The following ANAPC1 variants were observed in gnomAD, a reference collection of about 807,000 sequenced individuals.
ANAPC1 encodes anaphase-promoting complex subunit 1.
Under a neutral mutation model 208.0 loss-of-function variants are expected in ANAPC1, and 36 were observed. The observed-to-expected ratio is 0.17, with a 90% CI of 0.13 to 0.23. ANAPC1 has a LOEUF of 0.23. ANAPC1 is among the 10% of genes least tolerant of loss of function. The pLI is 1.00. For synonymous variants in ANAPC1, 378 were observed against 695.2 expected, an observed-to-expected ratio of 0.54 and a Z score of 7.18; for missense variants, 942 against 2,011.6, an observed-to-expected ratio of 0.47 and a Z score of 10.17.
chr2:111,809,907 TATAAC>T (rs1369008502), intron 28 of ANAPC1, among the ~76,000 whole-genome samples: 1 of 148,644 alleles, frequency 6.7e-6, no homozygotes, highest in East Asian at 2.0e-4. Flanking sequence ...AGAGTTACCA[TATAAC>T]CCAGCAATTC....
intron 3 of ANAPC1, among the ~76,000 whole-genome samples, chr2:111,874,986 A>C (rs79087353): frequency 0.022 from 3,293 of 152,328 alleles, 110 homozygotes; most frequent in African/African-American, 0.074. Context: ...GCCTGGCTAC[A>C]CGTGTAACTT....
intron 47 of ANAPC1, among the ~76,000 whole-genome samples, chr2:111,770,010 C>T (rs532466667): frequency 6.6e-6 from 1 of 150,730 alleles, no homozygotes; most frequent in Admixed American, 6.6e-5. Flanking sequence ...TCCAAAAATC[C>T]CAAATCCAAA....
At chr2:111,775,091 C>T (rs961231637) in intron 46 of ANAPC1, among the ~76,000 whole-genome samples, 1 of 152,064 alleles carries the variant, frequency 6.6e-6, no homozygotes, top group African/African-American at 2.4e-5. Context: ...CATGGTGAAA[C>T]CCCGTCTCTA....
At chr2:111,875,993 G>A (rs1683005469) in intron 3 of ANAPC1, among the ~76,000 whole-genome samples, 1 of 152,160 alleles carries the variant, frequency 6.6e-6, no homozygotes, top group African/African-American at 2.4e-5. Context: ...CAGCATTTCA[G>A]GTGATCTGTT....
At chr2:111,767,374 G>A (rs1376976912), downstream of ANAPC1, among the ~76,000 whole-genome samples, 1 of 150,820 alleles carries the variant, frequency 6.6e-6, no homozygotes, top group East Asian at 1.9e-4. Flanking sequence ...GTTCTGGATG[G>A]TGAGAGCCAT....
At chr2:111,794,479 T>C (rs1678051934) in intron 35 of ANAPC1, among the ~76,000 whole-genome samples, 156 bp from the exon 36 acceptor site, 1 of 152,230 alleles carries the variant, frequency 6.6e-6, no homozygotes, top group Non-Finnish European at 1.5e-5. Flanking sequence ...TATTTTTTTT[T>C]CAGCAGAAGC....
At chr2:111,825,371 C>T (rs989926947) in intron 22 of ANAPC1, among the ~76,000 whole-genome samples, 2 of 152,130 alleles carry the variant, frequency 1.3e-5, no homozygotes, top group Admixed American at 6.5e-5. Context: ...CCATGCGTAC[C>T]CAAATCCGTG....
intron 17 of ANAPC1, among the ~76,000 whole-genome samples, chr2:111,840,154 T>TAC (rs1680684589): frequency 6.6e-6 from 1 of 151,982 alleles, no homozygotes; most frequent in Non-Finnish European, 1.5e-5. Context: ...TCCTACAATG[T>TAC]ACAGTCCAGT....
At chr2:111,771,904 T>C (rs534716812) in intron 47 of ANAPC1, among the ~76,000 whole-genome samples, 12 of 151,852 alleles carry the variant, frequency 7.9e-5, no homozygotes, top group African/African-American at 2.9e-4. Flanking sequence ...CAGGTGATAA[T>C]ACTATTAATT....
intron 6 of ANAPC1, among the ~76,000 whole-genome samples, chr2:111,871,104 G>C (rs1391772406): frequency 6.6e-6 from 1 of 152,004 alleles, no homozygotes; most frequent in African/African-American, 2.4e-5. Context: ...TTATAACCTT[G>C]TAGAATATGT....
chr2:111,821,583 A>G, intron 25 of ANAPC1, 130 bp from the exon 26 acceptor site: 1 of 906,204 alleles, frequency 1.1e-6, no homozygotes, highest in Non-Finnish European at 1.7e-6. Context: ...CAAAGCAGGC[A>G]TGGGTTGGAG....
intron 16 of ANAPC1, among the ~76,000 whole-genome samples, chr2:111,844,483 C>T (rs1038893051): frequency 4.5e-4 from 68 of 151,412 alleles, no homozygotes; most frequent in Non-Finnish European, 7.2e-4. Context: ...GCAGGAGAAT[C>T]GCCTGAACCC....
intron 1 of ANAPC1, among the ~76,000 whole-genome samples, chr2:111,883,165 CAAAA>C (rs141124163): frequency 2.8e-5 from 3 of 108,538 alleles, no homozygotes; most frequent in Non-Finnish European, 3.6e-5. Flanking sequence ...GACTCCTTCT[CAAAA>C]AAAAAAAAAA....
At chr2:111,794,503 ACT>A (rs1678053592) in intron 35 of ANAPC1, among the ~76,000 whole-genome samples, 180 bp from the exon 36 acceptor site, 1 of 152,132 alleles carries the variant, frequency 6.6e-6, no homozygotes, top group African/African-American at 2.4e-5. Flanking sequence ...GGGTCACCTT[ACT>A]CATGAAGTTT....
chr2:111,880,309 T>G (rs778744205), intron 2 of ANAPC1, among the ~76,000 whole-genome samples: 1 of 151,720 alleles, frequency 6.6e-6, no homozygotes, highest in Non-Finnish European at 1.5e-5. Context: ...GAGGCAGAGG[T>G]TGCGGTGAGC....
intron 2 of ANAPC1, 180 bp downstream of exon 2, chr2:111,880,433 T>G: frequency 9.6e-7 from 1 of 1,044,798 alleles, no homozygotes; most frequent in Admixed American, 3.3e-5. Context: ...GGTATCTAAA[T>G]AAGTCGCTAT....
chr2:111,877,217 C>T (rs1274535610), intron 3 of ANAPC1, among the ~76,000 whole-genome samples: 1 of 139,298 alleles, frequency 7.2e-6, no homozygotes, highest in Non-Finnish European at 1.6e-5. Flanking sequence ...TAATTTTCAA[C>T]TTTCCCAAAT....
intron 6 of ANAPC1, among the ~76,000 whole-genome samples, chr2:111,871,735 A>G (rs1682758222): frequency 6.6e-6 from 1 of 152,106 alleles, no homozygotes. Context: ...CTGGGCAACA[A>G]GAGCAAAACC....
At chr2:111,858,126 T>A (rs1024469164) in intron 11 of ANAPC1, among the ~76,000 whole-genome samples, 180 bp downstream of exon 11, 1 of 152,076 alleles carries the variant, frequency 6.6e-6, no homozygotes, top group African/African-American at 2.4e-5. Context: ...TGGTGATGGT[T>A]GTATAACACT....
Sources: allele counts gnomAD v4.1 joint callset (sites outside exome capture counted in the v4.1 genomes callset), GRCh38; gene constraint gnomAD v4.1.1; transcripts MANE v1.5; gene names NCBI Gene and HGNC (gene_info 2026-07-23, HGNC 2026-07-21).